Variants in IQCH observed in about 807,000 individuals in gnomAD.
IQCH encodes IQ domain-containing protein H.
Under a neutral mutation model 117.0 loss-of-function variants are expected in IQCH, and 98 were observed. The ratio of observed to expected loss-of-function variants is 0.84; its 90% CI spans 0.71 to 0.99. The LOEUF (loss-of-function observed/expected upper bound fraction) is 0.99, where lower values mean the gene tolerates loss of function less well. IQCH is among the 50% of genes least tolerant of loss of function. The probability of loss-of-function intolerance (pLI) is 0.00; values close to 1 mark genes in which losing one functional copy is unlikely to be tolerated. For missense variants in IQCH, 1,102 were observed against 1,243.8 expected, an observed-to-expected ratio of 0.89 and a Z score of 1.72; for synonymous variants, 412 against 448.2, an observed-to-expected ratio of 0.92 and a Z score of 1.02.
chr15:67,306,369 G>A (rs1967294124), intron 4 of IQCH, among the ~76,000 whole-genome samples: 1 of 152,028 alleles, frequency 6.6e-6, no homozygotes, highest in African/African-American at 2.4e-5. Context: ...TAATTAGAAA[G>A]GCATCATCAA....
At chr15:67,320,579 T>C (rs1002589012) in intron 4 of IQCH, among the ~76,000 whole-genome samples, 1 of 152,206 alleles carries the variant, frequency 6.6e-6, no homozygotes, top group African/African-American at 2.4e-5. Context: ...CAAAGAATCA[T>C]TACATTTTTG....
chr15:67,492,653 C>A (rs1469388955), intron 19 of IQCH, among the ~76,000 whole-genome samples: 1 of 152,138 alleles, frequency 6.6e-6, no homozygotes, highest in East Asian at 1.9e-4. Flanking sequence ...AGCCTTTCAG[C>A]AGGCAGCAGA....
chr15:67,255,477 C>T (rs1965124794), intron 1 of IQCH, among the ~76,000 whole-genome samples: 1 of 152,100 alleles, frequency 6.6e-6, no homozygotes, highest in Admixed American at 6.5e-5. Context: ...AGTGAAAGAC[C>T]TTTTTAATTT....
intron 8 of IQCH, among the ~76,000 whole-genome samples, chr15:67,361,309 C>T (rs1188023192): frequency 6.6e-6 from 1 of 152,200 alleles, no homozygotes; most frequent in Non-Finnish European, 1.5e-5. Context: ...TACTCTTTGC[C>T]AGGCTCTGTT....
rs533160762 is a variant in IQCH at position 67,425,066 on chromosome 15, G to GATT, written c.2505+3494_2505+3496dup. Among the ~76,000 whole-genome samples the GATT allele has an allele frequency of 6.6e-5, 10 of 151,690 alleles. No individual in the cohort carries two copies. The highest frequency in any genetic ancestry group is 1.9e-4 in the African/African-American group (8 of 41,340). On this transcript the variant is annotated intron_variant, in intron 16 of 20. Transcript: ENST00000335894. This position sits in a 1 kb window ranked among gnomAD's most constrained non-coding sequence, Gnocchi z 5.5. ...TTTTTGTTTTATTCAGCATTTCTTTGATTATTAGTGAAGATCCACACCTCT... is the reference window on the plus strand; with the variant it reads ...TTTTTGTTTTATTCAGCATTTCTTTGATTATTATTAGTGAAGATCCACACCTCT...
chr15:67,484,397 C>T (rs867595080), intron 18 of IQCH, among the ~76,000 whole-genome samples: 5 of 151,046 alleles, frequency 3.3e-5, no homozygotes, highest in African/African-American at 9.8e-5. Flanking sequence ...CAGAGTGAGA[C>T]CCAGTCTCAA....
intron 4 of IQCH, among the ~76,000 whole-genome samples, chr15:67,330,244 C>T (rs1968606610): frequency 6.6e-6 from 1 of 152,152 alleles, no homozygotes; most frequent in South Asian, 2.1e-4. Context: ...CTTTGCCTGT[C>T]TTGAATTATG....
At chr15:67,331,704 G>C (rs148425187) in intron 4 of IQCH, among the ~76,000 whole-genome samples, 1 of 152,294 alleles carries the variant, frequency 6.6e-6, no homozygotes, top group Non-Finnish European at 1.5e-5. Context: ...GGACAGCTCT[G>C]CTCTACACAG....
In IQCH at chr15:67,372,598, G is replaced by T. The variant is rs781051273; in HGVS notation, c.1241G>T (p.Arg414Leu). The T allele has an allele frequency of 1.2e-6, 2 of 1,613,834 alleles. No individual in the cohort carries two copies. ...IAWLLYCHKT[R>L]LKKILKESRQ... ...TGGCTGTTATATTGCCATAAGACTC[G>T]ACTAAAGAAGATACTAAAGGAATCA... Residue 414 changes from arginine (R) to leucine (L), a missense_variant, in exon 9 of 21, where the codon CGA becomes CTA. Physicochemically the swap from Arg to Leu is moderately radical, Grantham distance 102 (BLOSUM62 -2). Transcript: ENST00000335894.
At chr15:67,482,184 C>T (rs755827023) in intron 18 of IQCH, among the ~76,000 whole-genome samples, 4 of 151,810 alleles carry the variant, frequency 2.6e-5, no homozygotes, top group Non-Finnish European at 4.4e-5. Context: ...CGTCTATGCT[C>T]ATGAAGCAAT....
In IQCH at chr15:67,493,166, T is replaced by C. The variant is rs886710136; in HGVS notation, c.2862-1092T>C. 1.3e-4 allele frequency among the ~76,000 whole-genome samples: 20 copies of C among 152,236 alleles called. No individual in the cohort carries two copies. Among genetic ancestry groups the C allele is most frequent in the African/African-American group, 4.3e-4 (18 of 41,474 alleles). On this transcript the variant is annotated intron_variant, in intron 19 of 20. Transcript: ENST00000335894. This position sits in a 1 kb window ranked among gnomAD's most constrained non-coding sequence, Gnocchi z 5.1. ...CCTTTTCTACTGTTTTCTGCCCATC[T>C]TAATCTCATCCCTAACTGCAGTCAT...
intron 4 of IQCH, among the ~76,000 whole-genome samples, chr15:67,321,992 T>A (rs1282315888): frequency 6.6e-6 from 1 of 152,244 alleles, no homozygotes; most frequent in Non-Finnish European, 1.5e-5. Flanking sequence ...TAGCGGATGA[T>A]GATTTTCAGC....
In IQCH at chr15:67,407,989, T is replaced by A. The variant is rs1164634171; in HGVS notation, c.2097+7684T>A. The A allele has an allele frequency of 6.6e-6, 1 of 152,220 alleles. No homozygotes were observed. Among genetic ancestry groups the A allele is most frequent in the African/African-American group, 2.4e-5 (1 of 41,456 alleles). The allele number at this position is 152,220 out of a possible 1,614,324, so 9.4% of individuals were successfully genotyped here. On this transcript the variant is annotated intron_variant, in intron 14 of 20. Transcript: ENST00000335894. The surrounding 1 kb of genome is among the most constrained non-coding windows in gnomAD (Gnocchi z 5.3). ...CAAGGCAGAGAAAAGGAGGTTTAAA[T>A]GTTACTCCCACCATCTGGGGACTGG...
At chr15:67,297,760 G>A (rs965237423) in intron 4 of IQCH, among the ~76,000 whole-genome samples, 3 of 151,936 alleles carry the variant, frequency 2.0e-5, no homozygotes, top group Non-Finnish European at 4.4e-5. Context: ...AGTTTCCCTC[G>A]TTTAAAAAAT....
intron 10 of IQCH, among the ~76,000 whole-genome samples, chr15:67,374,652 A>G (rs979932951): frequency 5.9e-5 from 9 of 152,192 alleles, no homozygotes; most frequent in Non-Finnish European, 1.3e-4. Context: ...GGTCTACCTC[A>G]TGGCTCATGA....
rs758889010 is a variant in IQCH, at chr15:67,254,907, A to C, written c.11A>C (p.Asn4Thr). Residue 4 changes from asparagine (N) to threonine (T), a missense_variant, in exon 1 of 21, where the codon AAC becomes ACC. Around this residue, in one of 2 missense-constraint regions of IQCH, gnomAD observed 452 missense variants for 449.6 expected, o/e 1.01. Coordinates refer to ENST00000335894, the MANE Select transcript of IQCH (RefSeq NM_001031715.3). ...TTCCCTGACCTAGCCATGGCACAGA[A>C]CACTGAAAACCACGACCCTGTCGGA... MAQ[N>T]TENHDPVGSI... 6.2e-7 allele frequency: 1 copy of C among 1,613,758 alleles called. No individual in the cohort carries two copies. The highest frequency in any genetic ancestry group is 1.3e-5 in the African/African-American group (1 of 74,930).
At chr15:67,256,651 G>T (rs978336484) in intron 1 of IQCH, among the ~76,000 whole-genome samples, 1 of 152,130 alleles carries the variant, frequency 6.6e-6, no homozygotes, top group African/African-American at 2.4e-5. Flanking sequence ...TCTTTTTATA[G>T]ATTCCAAATA....
intron 6 of IQCH, among the ~76,000 whole-genome samples, chr15:67,346,334 A>G (rs895126247): frequency 4.6e-5 from 7 of 152,012 alleles, no homozygotes; most frequent in Non-Finnish European, 8.8e-5. Flanking sequence ...AAAATACTAT[A>G]GAACAGTGGT....
chr15:67,472,382 G>A lies in IQCH; in HGVS notation c.2677-3314G>A, dbSNP rs934136401. 2.0e-5 allele frequency among the ~76,000 whole-genome samples: 3 copies of A among 152,124 alleles called. No homozygotes were observed. The highest frequency in any genetic ancestry group is 4.4e-5 in the Non-Finnish European group (3 of 68,012). On this transcript the variant is annotated intron_variant, in intron 17 of 20. Transcript: ENST00000335894. The surrounding 1 kb of genome is among the most constrained non-coding windows in gnomAD (Gnocchi z 4.3). The stretch of plus-strand genomic sequence containing the variant: ...ACCACACCAGGGTCTAGATTTCACC[G>A]TGAAGGCAAAAAGGCCTGAATATTT...
Sources: gnomAD v4.1 joint callset for allele counts (sites outside exome capture counted in the v4.1 genomes callset) on GRCh38, gnomAD v4.1.1 for gene constraint, gnomAD v4.1.1 regional missense constraint, Gnocchi (gnomAD v3.1) non-coding constraint, MANE v1.5 for transcripts, NCBI Gene and HGNC (gene_info 2026-07-23, HGNC 2026-07-21) for gene names.